ABHD12: variants seen among roughly 807,000 people sequenced by gnomAD.
ABHD12 encodes abhydrolase domain containing 12, lysophospholipase.
In ABHD12, 43 loss-of-function variants were observed where a neutral mutation model predicts 58.3. The observed-to-expected ratio is 0.74, with a 90% CI of 0.58 to 0.95. The LOEUF (loss-of-function observed/expected upper bound fraction) is 0.95, where lower values mean the gene tolerates loss of function less well. Ranked by LOEUF, ABHD12 falls within the 40% of genes least tolerant of loss-of-function variation. The probability of loss-of-function intolerance (pLI) is 0.00; values close to 1 mark genes in which losing one functional copy is unlikely to be tolerated. For missense variants in ABHD12, 539 were observed against 537.2 expected (o/e 1.00, Z -0.03); for synonymous variants, 219 against 211.2 (o/e 1.04, Z -0.32).
At chr20:25,305,951 A>C (rs2145926279) in intron 10 of ABHD12, among the ~76,000 whole-genome samples, 1 of 152,268 alleles carries the variant, frequency 6.6e-6, no homozygotes, top group South Asian at 2.1e-4. Context: ...AGATCACCCG[A>C]GATCAGGAGT....
In ABHD12 at chr20:25,390,810, C is replaced by T. The variant is rs1377556933; in HGVS notation, c.-107G>A. On this transcript the variant is annotated 5_prime_UTR_variant, in exon 1 of 13. Transcript: ENST00000339157. ...AGCCCGGAGCCCGGAACCCGCCGCT[C>T]CTCACATCCCAGCCCAGGCCGCTGC... 10 of 725,650 alleles carry T rather than the reference C, an allele frequency of 1.4e-5. No homozygotes were observed. The highest frequency in any genetic ancestry group is 3.8e-5 in the African/African-American group (2 of 52,630). 45.0% of individuals were successfully genotyped at this position (725,650 alleles called of 1,614,324 possible).
chr20:25,361,342 A>T (rs2089744088), intron 1 of ABHD12, among the ~76,000 whole-genome samples: 1 of 152,156 alleles, frequency 6.6e-6, no homozygotes, highest in Non-Finnish European at 1.5e-5. Context: ...TTTCCACTTA[A>T]ATATTATGTC....
chr20:25,345,136 A>G (rs1453645051), intron 1 of ABHD12, among the ~76,000 whole-genome samples: 1 of 151,996 alleles, frequency 6.6e-6, no homozygotes, highest in Non-Finnish European at 1.5e-5. Context: ...CCCAGGCTGA[A>G]GTGCAGTGGT....
At chr20:25,341,242 G>C (rs1439434041) in intron 1 of ABHD12, among the ~76,000 whole-genome samples, 1 of 152,236 alleles carries the variant, frequency 6.6e-6, no homozygotes, top group Admixed American at 6.5e-5. Flanking sequence ...GGCTTGGTGA[G>C]AGGTACCTGC....
At chr20:25,351,739 T>C (rs776714544) in intron 1 of ABHD12, among the ~76,000 whole-genome samples, 3 of 152,062 alleles carry the variant, frequency 2.0e-5, no homozygotes, top group African/African-American at 4.8e-5. Context: ...CTGTCTCTAC[T>C]AAAAATACAA....
At chr20:25,310,484 T>G (rs1436649030) in intron 6 of ABHD12, 1 of 152,318 alleles carries the variant, frequency 6.6e-6, no homozygotes, top group African/African-American at 2.4e-5. Context: ...TCAGATGATC[T>G]GAAAGCACCA....
rs372666326 is a variant in ABHD12, at chr20:25,366,155, C to A, written c.191+24358G>T. ...GCCTTGAACTTTTTTCTTTTCAATT[C>A]CTAGAAGTTCTTTATTATTACACCT... On this transcript the variant is annotated intron_variant, in intron 1 of 12. Coordinates refer to ENST00000339157, the MANE Select transcript of ABHD12 (RefSeq NM_001042472.3). 1.6e-3 allele frequency among the ~76,000 whole-genome samples: 243 copies of A among 152,142 alleles called. 4 individuals are homozygous for A. In the South Asian group the frequency reaches 0.023, roughly 14 times the overall value.
intron 2 of ABHD12, among the ~76,000 whole-genome samples, chr20:25,337,984 A>C (rs1279866287): frequency 6.6e-6 from 1 of 152,196 alleles, no homozygotes; most frequent in Non-Finnish European, 1.5e-5. Context: ...AAGACACCCA[A>C]ATAAAAACTC....
chr20:25,381,617 C>T (rs1255207440), intron 1 of ABHD12, among the ~76,000 whole-genome samples: 1 of 144,596 alleles, frequency 6.9e-6, no homozygotes, highest in African/African-American at 2.6e-5. Context: ...AGATCTTTCT[C>T]AGTACCCTCT....
At chr20:25,389,220 T>G (rs2090136747) in intron 1 of ABHD12, among the ~76,000 whole-genome samples, 1 of 152,216 alleles carries the variant, frequency 6.6e-6, no homozygotes, top group Non-Finnish European at 1.5e-5. Context: ...AATCTTTCCA[T>G]AGCAAAGAGA....
In ABHD12 at chr20:25,300,806, G is replaced by A; in HGVS notation, c.*39C>T. 1.2e-6 allele frequency: 2 copies of A among 1,613,936 alleles called. No individual in the cohort carries two copies. Among genetic ancestry groups the A allele is most frequent in the Non-Finnish European group, 1.7e-6 (2 of 1,179,930 alleles). Reference sequence around the variant, plus strand: ...GCTGCTGACTGGAGGAAAACGGGAGGAGGGCAGAGGTCTTCATGCTTCCTT... The same window carrying A: ...GCTGCTGACTGGAGGAAAACGGGAGAAGGGCAGAGGTCTTCATGCTTCCTT... On this transcript the variant is annotated 3_prime_UTR_variant, in exon 13 of 13. Transcript: ENST00000339157.
chr20:25,372,673 C>G (rs1344949595), intron 1 of ABHD12, among the ~76,000 whole-genome samples: 1 of 152,218 alleles, frequency 6.6e-6, no homozygotes, highest in Non-Finnish European at 1.5e-5. Context: ...TTTCAGCCAA[C>G]AGTGGACCAC....
chr20:25,390,395 G>A (rs755974455), intron 1 of ABHD12, 118 bp downstream of exon 1: 1 of 1,049,484 alleles, frequency 9.5e-7, no homozygotes, highest in Non-Finnish European at 1.2e-6. Context: ...GGCGGCCGCG[G>A]ATCGGGCGGA....
At chr20:25,354,501 T>C (rs964688448) in intron 1 of ABHD12, among the ~76,000 whole-genome samples, 11 of 152,210 alleles carry the variant, frequency 7.2e-5, no homozygotes, top group East Asian at 1.9e-4. Flanking sequence ...TCATGCCTCA[T>C]AGTCTAAAAG....
chr20:25,296,572 T>C (rs759603088), downstream of ABHD12: 13 of 1,566,962 alleles, frequency 8.3e-6, no homozygotes, highest in Admixed American at 1.8e-5. Context: ...CTTGCTGACT[T>C]TGCACCTCCT....
chr20:25,321,171 A>G (rs1240229655), intron 3 of ABHD12, among the ~76,000 whole-genome samples: 1 of 152,266 alleles, frequency 6.6e-6, no homozygotes, highest in Non-Finnish European at 1.5e-5. Flanking sequence ...CACTATGATC[A>G]TCACTCCCAT....
At chr20:25,321,178 C>T (rs1465182412) in intron 3 of ABHD12, among the ~76,000 whole-genome samples, 1 of 152,228 alleles carries the variant, frequency 6.6e-6, no homozygotes, top group Non-Finnish European at 1.5e-5. Flanking sequence ...ATCATCACTC[C>T]CATACAGTTA....
chr20:25,346,263 T>C (rs1038420305), intron 1 of ABHD12, among the ~76,000 whole-genome samples: 1 of 152,206 alleles, frequency 6.6e-6, no homozygotes, highest in Non-Finnish European at 1.5e-5. Context: ...TATGACATTC[T>C]GTAAAAGGTC....
chr20:25,309,586 G>C lies in ABHD12; in HGVS notation c.620-11C>G, dbSNP rs761077267. ...CTGAGTCACCCCAACCTGGGAGGGAGAAACGGCAGGACGGGGAGGTCAAAG... is the reference window on the plus strand; with the variant it reads ...CTGAGTCACCCCAACCTGGGAGGGACAAACGGCAGGACGGGGAGGTCAAAG... On this transcript the variant is annotated splice_polypyrimidine_tract_variant and intron_variant, in intron 6 of 12. Coordinates refer to ENST00000339157, the MANE Select transcript of ABHD12 (RefSeq NM_001042472.3). The C allele has an allele frequency of 6.2e-7, 1 of 1,613,968 alleles. No homozygotes were observed. The highest frequency in any genetic ancestry group is 8.5e-7 in the Non-Finnish European group (1 of 1,179,904).
Sources: allele counts gnomAD v4.1 joint callset (sites outside exome capture counted in the v4.1 genomes callset), GRCh38; gene constraint gnomAD v4.1.1; transcripts MANE v1.5; gene names NCBI Gene and HGNC (gene_info 2026-07-23, HGNC 2026-07-21).